The following UNC13C variants were observed in gnomAD, a reference collection of about 807,000 sequenced individuals.
The protein encoded by UNC13C is protein unc-13 homolog C.
In UNC13C, 174 loss-of-function variants were observed where a neutral mutation model predicts 245.4. That is an observed-to-expected ratio of 0.71 (90% CI 0.63 to 0.80). UNC13C has a LOEUF of 0.80. Ranked by LOEUF, UNC13C falls within the 30% of genes least tolerant of loss-of-function variation. UNC13C has a pLI of 0.00. For synonymous variants in UNC13C, 992 were observed against 895.1 expected (o/e 1.11, Z -1.93); for missense variants, 2,829 against 2,602.9 (o/e 1.09, Z -1.89).
chr15:54,407,330 C>T (rs994825377), intron 18 of UNC13C, among the ~76,000 whole-genome samples: 1 of 152,012 alleles, frequency 6.6e-6, no homozygotes. Flanking sequence ...AGAAAAAATT[C>T]CCAGGAGGGT....
rs545654523 is a variant in UNC13C, at chr15:54,486,484, T to C, written c.4934-8124T>C. On this transcript the variant is annotated intron_variant, in intron 19 of 32. Transcript: ENST00000260323. ...AAAGAAAAGAAAAGAAAAAAGAACA[T>C]AGCACCTGGTTCATAGTAGAATAGT... Among the ~76,000 whole-genome samples the C allele has an allele frequency of 9.9e-5, 15 of 151,046 alleles. No homozygotes were observed. The East Asian group carries it at 2.7e-3, about 27-fold the overall frequency.
chr15:54,616,151 C>G (rs1292175629), intron 30 of UNC13C, among the ~76,000 whole-genome samples: 1 of 152,058 alleles, frequency 6.6e-6, no homozygotes. Flanking sequence ...CAACACACTT[C>G]AGCAAACTGT....
intron 1 of UNC13C, among the ~76,000 whole-genome samples, chr15:54,003,840 G>A (rs1895012341): frequency 1.3e-5 from 2 of 152,074 alleles, no homozygotes; most frequent in East Asian, 3.9e-4. Context: ...GTGAAACCCT[G>A]TCTCTACTAA....
At position 54,507,328 on chromosome 15, in the gene UNC13C, G is replaced by A. The variant is rs76534665; in HGVS notation, c.5379+134G>A. On this transcript the variant is annotated intron_variant, in intron 23 of 32. Coordinates refer to ENST00000260323, the MANE Select transcript of UNC13C (RefSeq NM_001080534.3). ...TAAGAAATAAGGATCTTAAGAAGCTGGAAACTTCTCCAGGGTTCTTGAACT... is the reference window on the plus strand; with the variant it reads ...TAAGAAATAAGGATCTTAAGAAGCTAGAAACTTCTCCAGGGTTCTTGAACT... 2.0e-3 allele frequency: 1,228 copies of A among 624,264 alleles called. 14 individuals are homozygous for A. In the African/African-American group the frequency reaches 0.021, roughly 11 times the overall value. The allele number at this position is 624,264 out of a possible 1,614,324, so 38.7% of individuals were successfully genotyped here.
chr15:54,486,408 C>T (rs758250282), intron 19 of UNC13C, among the ~76,000 whole-genome samples: 3 of 145,936 alleles, frequency 2.1e-5, no homozygotes, highest in Non-Finnish European at 4.5e-5. Flanking sequence ...CACTGCACTA[C>T]AGCTAGGGTG....
At chr15:54,429,762 G>T (rs533036531) in intron 19 of UNC13C, among the ~76,000 whole-genome samples, 1 of 151,592 alleles carries the variant, frequency 6.6e-6, no homozygotes, top group African/African-American at 2.4e-5. Context: ...TGTAATGACA[G>T]CATTGCCATT....
rs1416779062 is a variant in UNC13C at position 54,468,013 on chromosome 15, T to G, written c.4934-26595T>G. 2.0e-5 allele frequency among the ~76,000 whole-genome samples: 3 copies of G among 151,672 alleles called. No individual in the cohort carries two copies. In the East Asian group the frequency reaches 5.8e-4, roughly 29 times the overall value. Reference sequence around the variant, plus strand: ...ATTGCTGGATCATATAATAGCTCCATTTTCAGTTTTCTGAGACACTTCCAT... The same window carrying G: ...ATTGCTGGATCATATAATAGCTCCAGTTTCAGTTTTCTGAGACACTTCCAT... On this transcript the variant is annotated intron_variant, in intron 19 of 32. Coordinates refer to ENST00000260323, the MANE Select transcript of UNC13C (RefSeq NM_001080534.3).
chr15:53,958,712 A>T, the UNC13C span, among the ~76,000 whole-genome samples: 4 of 152,214 alleles, frequency 2.6e-5, no homozygotes, highest in African/African-American at 9.6e-5. Context: ...GGGGATCCAC[A>T]TGATAGTTTG....
chr15:54,552,974 T>A (rs1357055133), intron 28 of UNC13C, among the ~76,000 whole-genome samples: 4 of 105,926 alleles, frequency 3.8e-5, no homozygotes, highest in East Asian at 2.8e-4. Context: ...ACAATATATA[T>A]TATATATTGT....
intron 19 of UNC13C, among the ~76,000 whole-genome samples, chr15:54,439,512 C>CA (rs1443924355): frequency 1.3e-5 from 2 of 151,418 alleles, no homozygotes; most frequent in Non-Finnish European, 2.9e-5. Flanking sequence ...TTTAAATTAC[C>CA]AAGATCCTAC....
intron 10 of UNC13C, among the ~76,000 whole-genome samples, chr15:54,274,666 A>ATTTTTT (rs1567151983): frequency 8.9e-5 from 7 of 78,268 alleles, no homozygotes; most frequent in South Asian, 4.1e-4. Context: ...AATAAAGTAG[A>ATTTTTT]CTTTTTTTTT....
intron 29 of UNC13C, among the ~76,000 whole-genome samples, chr15:54,557,172 G>C (rs1220779751): frequency 6.6e-6 from 1 of 151,950 alleles, no homozygotes. Flanking sequence ...TCCAGTAAAT[G>C]GGTCCATGCC....
At chr15:54,409,234 T>C (rs1239933139) in intron 18 of UNC13C, among the ~76,000 whole-genome samples, 1 of 151,474 alleles carries the variant, frequency 6.6e-6, no homozygotes, top group East Asian at 2.0e-4. Context: ...CCACTTTTCC[T>C]TTCATTTCTT....
Position 54,454,801 on chromosome 15 carries a change from T to TATTC in UNC13C, c.4933+39764_4933+39767dup, listed in dbSNP as rs57819978. ...CTCCATCTCTTTTTTAAATTTTATT[T>TATTC]ATTCATTCATTCATTCATTCATTCA... is the stretch of plus-strand genomic sequence containing the variant. On this transcript the variant is annotated intron_variant, in intron 19 of 32. Coordinates refer to ENST00000260323, the MANE Select transcript of UNC13C (RefSeq NM_001080534.3). Among the ~76,000 whole-genome samples, 77 of 139,648 alleles carry TATTC rather than the reference T, an allele frequency of 5.5e-4. 1 individual carries two copies. Among genetic ancestry groups the TATTC allele is most frequent in the African/African-American group, 1.6e-3 (59 of 36,236 alleles). 91.6% of individuals were successfully genotyped at this position (139,648 alleles called of 152,430 possible). A position where few individuals can be genotyped will look rare whatever the true frequency, so the allele number is the denominator to read the frequency against.
intron 19 of UNC13C, among the ~76,000 whole-genome samples, chr15:54,453,872 A>G (rs1389257477): frequency 6.6e-6 from 1 of 152,154 alleles, no homozygotes; most frequent in Non-Finnish European, 1.5e-5. Context: ...AGTGGCATTT[A>G]GTTTATTCAC....
chr15:54,488,320 C>CT (rs990871634), intron 19 of UNC13C, among the ~76,000 whole-genome samples: 63 of 152,274 alleles, frequency 4.1e-4, no homozygotes, highest in African/African-American at 1.5e-3. Context: ...CTAATACAGG[C>CT]TTTTTATTTC....
chr15:54,331,612 A>T (rs954499866), intron 14 of UNC13C, among the ~76,000 whole-genome samples: 1 of 152,130 alleles, frequency 6.6e-6, no homozygotes, highest in Non-Finnish European at 1.5e-5. Context: ...GTAGAAGTGT[A>T]AAAAACTGTA....
chr15:54,493,349 A>C (rs1041823910), intron 19 of UNC13C, among the ~76,000 whole-genome samples: 2 of 151,930 alleles, frequency 1.3e-5, no homozygotes, highest in African/African-American at 4.8e-5. Flanking sequence ...ATGTGAGTAC[A>C]TGTCTTTATG....
upstream of UNC13C, among the ~76,000 whole-genome samples, chr15:53,977,112 G>A (rs892875210): frequency 1.7e-4 from 26 of 152,114 alleles, no homozygotes; most frequent in African/African-American, 5.3e-4. Flanking sequence ...ATTAGACCTT[G>A]AGCAGCTGCT....
Sources: gnomAD v4.1 joint callset for allele counts (sites outside exome capture counted in the v4.1 genomes callset) on GRCh38, gnomAD v4.1.1 for gene constraint, MANE v1.5 for transcripts, NCBI Gene and HGNC (gene_info 2026-07-23, HGNC 2026-07-21) for gene names.